The following KCNN2 variants were observed in gnomAD, a reference collection of about 807,000 sequenced individuals.
KCNN2 encodes potassium calcium-activated channel subfamily N member 2, also known as small conductance calcium-activated potassium channel protein 2.
Under a neutral mutation model 55.5 loss-of-function variants are expected in KCNN2, and 24 were observed. That is an observed-to-expected ratio of 0.43 (90% CI 0.31 to 0.61). The LOEUF is 0.61. Ranked by LOEUF, KCNN2 falls within the 20% of genes least tolerant of loss-of-function variation. KCNN2 has a pLI of 0.08. For synonymous variants in KCNN2, 431 were observed against 336.1 expected (o/e 1.28, Z -3.09); for missense variants, 754 against 853.6 (o/e 0.88, Z 1.45).
chr5:114,188,260 C>T (rs1753379893), intron 1 of KCNN2, among the ~76,000 whole-genome samples: 1 of 152,102 alleles, frequency 6.6e-6, no homozygotes, highest in Non-Finnish European at 1.5e-5. Flanking sequence ...ACTATTTGGG[C>T]CTCTTGAGGA....
intron 1 of KCNN2, among the ~76,000 whole-genome samples, chr5:114,082,810 A>G (rs1258032256): frequency 1.3e-5 from 2 of 152,220 alleles, no homozygotes; most frequent in African/African-American, 4.8e-5. Context: ...AGACAATCAC[A>G]AAGTTGAATC....
rs545197636 is a variant in KCNN2, at chr5:114,414,845, G to A, written c.1637+9989G>A. ...TTTATTGAGGTATAATTTACGCACC[G>A]TAAACTCCATCTATTTAAAGTGTAC... On this transcript the variant is annotated intron_variant, in intron 3 of 7. Transcript: ENST00000673685. Among the ~76,000 whole-genome samples, 55 of 152,264 alleles carry A rather than the reference G, an allele frequency of 3.6e-4. 1 individual carries two copies. In the South Asian group the frequency reaches 5.8e-3, roughly 16 times the overall value.
rs1754649460 is a variant in KCNN2 at position 114,241,838 on chromosome 5, AT to A, written c.-185+20274del. ...TATATATGTGTGTATATATATATAT[AT>A]ATATATGGAGTGTGAAGGACCACCA... On this transcript the variant is annotated intron_variant, in intron 2 of 10. Coordinates refer to the KCNN2 transcript ENST00000512097. Among the ~76,000 whole-genome samples, 14 of 123,882 alleles carry A rather than the reference AT, an allele frequency of 1.1e-4. 1 individual carries two copies. The highest frequency in any genetic ancestry group is 4.2e-4 in the African/African-American group (14 of 33,568). The allele number at this position is 123,882 out of a possible 152,430, so 81.3% of individuals were successfully genotyped here.
chr5:114,434,741 T>C (rs1759942693), intron 3 of KCNN2, among the ~76,000 whole-genome samples: 1 of 152,132 alleles, frequency 6.6e-6, no homozygotes, highest in African/African-American at 2.4e-5. Context: ...TCTCAGGTTT[T>C]TTTCCTCTCC....
chr5:114,381,795 A>T (rs1238631806), intron 2 of KCNN2, among the ~76,000 whole-genome samples: 3 of 152,134 alleles, frequency 2.0e-5, no homozygotes, highest in African/African-American at 4.8e-5. Context: ...TTACCTTCTC[A>T]AGGACAGTTA....
rs146728093 is a variant in KCNN2, at chr5:114,304,361, G to A, written c.-184-56584G>A. 3.5e-3 allele frequency among the ~76,000 whole-genome samples: 533 copies of A among 152,242 alleles called. 2 individuals are homozygous for A. Among genetic ancestry groups the A allele is most frequent in the Non-Finnish European group, 5.7e-3 (390 of 68,016 alleles). On this transcript the variant is annotated intron_variant, in intron 2 of 10. Coordinates refer to the KCNN2 transcript ENST00000512097. ...CCATCTTATCATGCAACTTCTTTAG[G>A]CCTTTTGGCCCCACTCAGACTAAAT...
Position 114,123,630 on chromosome 5 carries a change from T to A in KCNN2, c.-271+67130T>A, listed in dbSNP as rs1751871279. Among the ~76,000 whole-genome samples the A allele has an allele frequency of 3.3e-5, 5 of 149,654 alleles. No homozygotes were observed. In the South Asian group the frequency reaches 1.1e-3, roughly 32 times the overall value. ...CGCCCGCCTCGGCCTCCCAAAGTGCTGGGATTACAGGCGTGAGCCACCGCG... is the reference window on the plus strand; with the variant it reads ...CGCCCGCCTCGGCCTCCCAAAGTGCAGGGATTACAGGCGTGAGCCACCGCG... On this transcript the variant is annotated intron_variant, in intron 1 of 10. Transcript: ENST00000512097.
intron 3 of KCNN2, among the ~76,000 whole-genome samples, chr5:114,450,830 A>G (rs1241081553): frequency 6.6e-6 from 1 of 152,242 alleles, no homozygotes; most frequent in Non-Finnish European, 1.5e-5. Flanking sequence ...ACTGTTCTAC[A>G]TCCCACTTGA....
intron 7 of KCNN2, among the ~76,000 whole-genome samples, chr5:114,493,801 A>G (rs926900218): frequency 2.0e-5 from 3 of 152,156 alleles, no homozygotes; most frequent in African/African-American, 7.2e-5. Flanking sequence ...TGAGAGCAGA[A>G]CTGCATCCTA....
intron 2 of KCNN2, among the ~76,000 whole-genome samples, chr5:114,345,201 T>C (rs2150038081): frequency 6.6e-6 from 1 of 151,998 alleles, no homozygotes; most frequent in East Asian, 1.9e-4. Flanking sequence ...TCTTGTTAAG[T>C]GAAAAAAGTA....
At chr5:114,463,382 G>A (rs893962454) in intron 4 of KCNN2, among the ~76,000 whole-genome samples, 192 bp downstream of exon 4, 1 of 152,204 alleles carries the variant, frequency 6.6e-6, no homozygotes, top group African/African-American at 2.4e-5. Flanking sequence ...ATGAAATTCT[G>A]TTGAAGAGGT....
intron 2 of KCNN2, among the ~76,000 whole-genome samples, chr5:114,339,424 G>A (rs750255892): frequency 6.6e-6 from 1 of 152,170 alleles, no homozygotes; most frequent in Non-Finnish European, 1.5e-5. Context: ...ACACTTCCTT[G>A]TATTACAAAG....
Position 114,496,303 on chromosome 5 carries a change from G to T in KCNN2, c.*121G>T. ...ATCCGGGTTCTGATGTCAGAATCCT[G>T]GGAACCTGAACACTAAGTTTTAGGC... On this transcript the variant is annotated 3_prime_UTR_variant, in exon 8 of 8. Coordinates refer to ENST00000673685, the MANE Select transcript of KCNN2 (RefSeq NM_021614.4). The T allele has an allele frequency of 8.9e-7, 1 of 1,119,438 alleles. No individual in the cohort carries two copies. Among genetic ancestry groups the T allele is most frequent in the Non-Finnish European group, 1.2e-6 (1 of 804,778 alleles). 69.3% of individuals were successfully genotyped at this position (1,119,438 alleles called of 1,614,324 possible). A position where few individuals can be genotyped will look rare whatever the true frequency, so the allele number is the denominator to read the frequency against.
intron 1 of KCNN2, among the ~76,000 whole-genome samples, chr5:114,064,493 T>C (rs566367255): frequency 1.2e-4 from 18 of 152,306 alleles, no homozygotes; most frequent in African/African-American, 3.4e-4. Context: ...TGAGACAGCA[T>C]TGAGACATCA....
intron 3 of KCNN2, among the ~76,000 whole-genome samples, chr5:114,456,509 A>T (rs1760935038): frequency 6.6e-6 from 1 of 152,366 alleles, no homozygotes. Flanking sequence ...GCCTGCTAAC[A>T]AAACATCTAT....
chr5:114,308,482 T>G (rs2416367), intron 2 of KCNN2, among the ~76,000 whole-genome samples: 1 of 152,188 alleles, frequency 6.6e-6, no homozygotes, highest in Non-Finnish European at 1.5e-5. Context: ...CCTGTATTTG[T>G]CAAAAGTAGC....
rs555215488 is a variant in KCNN2, at chr5:114,148,693, A to C, written c.-270-72787A>C. On this transcript the variant is annotated intron_variant, in intron 1 of 10. Coordinates refer to the KCNN2 transcript ENST00000512097. ...AATGCCACATGTCCTCCTCTGGCAG[A>C]GGGGGCAATGGCTTAGTAGAAGAAG... Among the ~76,000 whole-genome samples the C allele has an allele frequency of 1.4e-4, 21 of 152,242 alleles. No homozygotes were observed. In the East Asian group the frequency reaches 3.9e-3, roughly 28 times the overall value.
chr5:114,186,845 T>G (rs1255162545), intron 1 of KCNN2, among the ~76,000 whole-genome samples: 2 of 152,158 alleles, frequency 1.3e-5, no homozygotes, highest in Non-Finnish European at 2.9e-5. Flanking sequence ...AGAGGATACA[T>G]ATTTTGTATA....
At chr5:114,454,656 T>C (rs1422550332) in intron 3 of KCNN2, among the ~76,000 whole-genome samples, 1 of 152,240 alleles carries the variant, frequency 6.6e-6, no homozygotes, top group East Asian at 1.9e-4. Context: ...ACATTTCTTC[T>C]GCCCTTGGCT....
Sources: gnomAD v4.1 joint callset for allele counts (sites outside exome capture counted in the v4.1 genomes callset) on GRCh38, gnomAD v4.1.1 for gene constraint, MANE v1.5 for transcripts, NCBI Gene and HGNC (gene_info 2026-07-23, HGNC 2026-07-21) for gene names.